Variants in NMNAT3 observed in about 807,000 individuals in gnomAD.
The protein encoded by NMNAT3 is nicotinamide nucleotide adenylyltransferase 3.
A neutral mutation model predicts 24.8 loss-of-function variants in NMNAT3; 21 were observed. The observed-to-expected ratio is 0.85, with a 90% CI of 0.60 to 1.22. NMNAT3 has a LOEUF of 1.22. Among genes scored for constraint, NMNAT3 ranks in the 50% most tolerant of loss-of-function variants. The pLI is 0.00. For synonymous variants in NMNAT3, 136 were observed against 155.2 expected (o/e 0.88, Z 0.92); for missense variants, 387 against 436.6 (o/e 0.89, Z 1.01).
chr3:139,576,268 A>G (rs1043521402), intron 5 of NMNAT3: 1 of 979,568 alleles, frequency 1.0e-6, no homozygotes, highest in African/African-American at 1.7e-5. Context: ...TAATTTTCGG[A>G]AAGTGTTAGT....
intron 2 of NMNAT3, among the ~76,000 whole-genome samples, chr3:139,631,901 T>C (rs949220141): frequency 2.6e-5 from 4 of 152,212 alleles, no homozygotes; most frequent in South Asian, 2.1e-4. Flanking sequence ...ATTTTTTTAA[T>C]GCATGTTGCT....
chr3:139,591,384 G>T lies in NMNAT3; in HGVS notation c.110-8176C>A, dbSNP rs532970157. Among the ~76,000 whole-genome samples, 26 of 152,296 alleles carry T rather than the reference G, an allele frequency of 1.7e-4. No homozygotes were observed. The South Asian group carries it at 4.1e-3, about 24-fold the overall frequency. On this transcript the variant is annotated intron_variant, in intron 3 of 6. Coordinates refer to ENST00000643695, the MANE Select transcript of NMNAT3 (RefSeq NM_001320510.2). The stretch of plus-strand genomic sequence containing the variant: ...GATCAAACTGCAAGGCGGCAACGAG[G>T]CTCGGGAAGGGGCGCCCGCCATTGC...
chr3:139,573,306 G>C (rs1190359124), intron 6 of NMNAT3, among the ~76,000 whole-genome samples: 1 of 152,196 alleles, frequency 6.6e-6, no homozygotes, highest in Non-Finnish European at 1.5e-5. Flanking sequence ...GTTTATCCCT[G>C]TGTGACCCTG....
chr3:139,661,480 A>G (rs2057414890), intron 1 of NMNAT3, among the ~76,000 whole-genome samples: 1 of 152,206 alleles, frequency 6.6e-6, no homozygotes, highest in South Asian at 2.1e-4. Context: ...AGCAGTCTGC[A>G]TAACACAGCA....
At chr3:139,575,182 A>G (rs1039532077) in intron 5 of NMNAT3, among the ~76,000 whole-genome samples, 3 of 152,214 alleles carry the variant, frequency 2.0e-5, no homozygotes, top group African/African-American at 7.2e-5. Context: ...GAATTCAGGA[A>G]TGTTGGAAGG....
intron 3 of NMNAT3, among the ~76,000 whole-genome samples, chr3:139,596,497 A>G (rs971450314): frequency 1.3e-5 from 2 of 151,696 alleles, no homozygotes; most frequent in Non-Finnish European, 2.9e-5. Context: ...ACTCCCACTT[A>G]TTTTTTGTTT....
rs568507183 is a variant in NMNAT3, at chr3:139,657,615, T to A, written c.-140-19553A>T. Among the ~76,000 whole-genome samples, 142 of 151,660 alleles carry A rather than the reference T, an allele frequency of 9.4e-4. 1 individual carries two copies. Among genetic ancestry groups the A allele is most frequent in the African/African-American group, 3.3e-3 (137 of 41,328 alleles). On this transcript the variant is annotated intron_variant, in intron 1 of 6. Coordinates refer to ENST00000643695, the MANE Select transcript of NMNAT3 (RefSeq NM_001320510.2). ...GTCTTCTGTGGTGGGGAGTCTGCCA[T>A]GGAGGGGTTTGATGCAGGATAGGCC...
intron 6 of NMNAT3, chr3:139,565,625 T>C (rs549009175): frequency 6.6e-6 from 1 of 152,116 alleles, no homozygotes; most frequent in South Asian, 2.1e-4. Flanking sequence ...TGGTTTTTTG[T>C]CCTTGTGATA....
chr3:139,635,480 A>T (rs1401336457), intron 2 of NMNAT3: 2 of 152,236 alleles, frequency 1.3e-5, no homozygotes, highest in African/African-American at 4.8e-5. Context: ...AAATTTTCTG[A>T]TGAAAAATAA....
At chr3:139,635,494 T>C (rs898872136) in intron 2 of NMNAT3, 8 of 152,192 alleles carry the variant, frequency 5.3e-5, no homozygotes, top group Admixed American at 4.6e-4. Flanking sequence ...AAAATAAATA[T>C]GCCTAAAATC....
chr3:139,667,324 A>G (rs192426976), intron 1 of NMNAT3, among the ~76,000 whole-genome samples: 1 of 152,058 alleles, frequency 6.6e-6, no homozygotes, highest in Non-Finnish European at 1.5e-5. Flanking sequence ...ATAACCTCTC[A>G]TTGTGGTTTT....
intron 1 of NMNAT3, among the ~76,000 whole-genome samples, chr3:139,648,136 T>G (rs1043934509): frequency 6.6e-6 from 1 of 151,302 alleles, no homozygotes; most frequent in African/African-American, 2.4e-5. Flanking sequence ...CCTGGGGGGG[T>G]TTTCCCTACG....
chr3:139,676,133 T>G (rs1488434441), intron 1 of NMNAT3, among the ~76,000 whole-genome samples: 1 of 152,202 alleles, frequency 6.6e-6, no homozygotes, highest in East Asian at 1.9e-4. Context: ...ATACCTGTTC[T>G]TTTTTACCAC....
chr3:139,635,483 A>G (rs1473169096), intron 2 of NMNAT3: 1 of 152,262 alleles, frequency 6.6e-6, no homozygotes, highest in African/African-American at 2.4e-5. Flanking sequence ...TTTTCTGATG[A>G]AAAATAAATA....
At chr3:139,619,222 G>A (rs1273853608) in intron 3 of NMNAT3, among the ~76,000 whole-genome samples, 6 of 152,136 alleles carry the variant, frequency 3.9e-5, no homozygotes, top group Non-Finnish European at 1.5e-5. Context: ...GGAAGATGCA[G>A]TAAATATCTG....
intron 5 of NMNAT3, chr3:139,575,791 C>G: frequency 8.4e-7 from 1 of 1,183,536 alleles, no homozygotes; most frequent in Non-Finnish European, 1.1e-6. Flanking sequence ...TTCTTGGTGT[C>G]CTCAGCAGTC....
chr3:139,624,351 G>T (rs371548883), intron 3 of NMNAT3, among the ~76,000 whole-genome samples: 1 of 151,666 alleles, frequency 6.6e-6, no homozygotes, highest in Non-Finnish European at 1.5e-5. Context: ...CCATATTTGG[G>T]GATCTTTCGG....
rs139712754 is a variant in NMNAT3 at position 139,666,336 on chromosome 3, C to A, written c.-141+11369G>T. Among the ~76,000 whole-genome samples the A allele has an allele frequency of 1.8e-3, 271 of 152,270 alleles. 2 individuals are homozygous for A. The highest frequency in any genetic ancestry group is 6.2e-3 in the African/African-American group (258 of 41,562). The stretch of plus-strand genomic sequence containing the variant: ...CTCCAGGGATACCTGTTCTTAGGAC[C>A]CAGCTGCCATGCTGTGCAGAAATCT... On this transcript the variant is annotated intron_variant, in intron 1 of 6. Transcript: ENST00000643695.
intron 1 of NMNAT3, among the ~76,000 whole-genome samples, chr3:139,659,638 T>A (rs894227532): frequency 2.0e-5 from 3 of 152,206 alleles, no homozygotes; most frequent in Admixed American, 6.5e-5. Context: ...GAGGCTTGCA[T>A]GCAGGTGTTT....
Sources: allele counts gnomAD v4.1 joint callset (sites outside exome capture counted in the v4.1 genomes callset), GRCh38; gene constraint gnomAD v4.1.1; transcripts MANE v1.5; gene names NCBI Gene and HGNC (gene_info 2026-07-23, HGNC 2026-07-21).